Variants in ANK2 observed in about 807,000 individuals in gnomAD.
ANK2 encodes ankyrin 2, also known as ankyrin-2.
In ANK2, 83 loss-of-function variants were observed where a neutral mutation model predicts 360.5. That is an observed-to-expected ratio of 0.23 (90% CI 0.19 to 0.28). The LOEUF (loss-of-function observed/expected upper bound fraction) is 0.28, where lower values mean the gene tolerates loss of function less well. ANK2 is among the 10% of genes least tolerant of loss of function. The probability of loss-of-function intolerance (pLI) is 1.00; values close to 1 mark genes in which losing one functional copy is unlikely to be tolerated. For missense variants in ANK2, 4,201 were observed against 4,795.7 expected (o/e 0.88, Z 3.66); for synonymous variants, 1,740 against 1,759.5 (o/e 0.99, Z 0.28).
chr4:113,381,506 C>T lies in ANK2; in HGVS notation c.*35C>T, dbSNP rs1277373548. 3.1e-6 allele frequency: 5 copies of T among 1,613,930 alleles called. No individual in the cohort carries two copies. The highest frequency in any genetic ancestry group is 4.2e-6 in the Non-Finnish European group (5 of 1,179,996). ...ACAGAAGAGGGCTGTGGTGAAGGACCAGCATGGAAAACGCATTGACTTGGA... is the reference window on the plus strand; with the variant it reads ...ACAGAAGAGGGCTGTGGTGAAGGACTAGCATGGAAAACGCATTGACTTGGA... On this transcript the variant is annotated 3_prime_UTR_variant, in exon 46 of 46. Transcript: ENST00000357077.
chr4:112,967,278 A>G (rs2154263991), intron 2 of ANK2, among the ~76,000 whole-genome samples: 1 of 152,324 alleles, frequency 6.6e-6, no homozygotes. Context: ...CTGGGGCTGG[A>G]AGCCAAAAGT....
At position 113,358,084 on chromosome 4, in the gene ANK2, C is replaced by T; in HGVS notation, c.9466C>T (p.Pro3156Ser). 6.2e-7 allele frequency: 1 copy of T among 1,613,954 alleles called. No individual in the cohort carries two copies. The highest frequency in any genetic ancestry group is 2.2e-5 in the East Asian group (1 of 44,898). The change falls in exon 38 of 46, where the codon CCC (proline) becomes TCC (serine). Residue 3156 changes from proline (P) to serine (S), a missense_variant. Physicochemically the swap from Pro to Ser is moderately conservative, Grantham distance 74 (BLOSUM62 -1). Coordinates refer to ENST00000357077, the MANE Select transcript of ANK2 (RefSeq NM_001148.6). The stretch of plus-strand genomic sequence containing the variant: ...GAAAGAAGGGGCTACTGGGGCTGAT[C>T]CCCTACCGCTGGAGACATCAGCTGA... ...DVKEGATGAD[P>S]LPLETSAESL...
intron 2 of ANK2, among the ~76,000 whole-genome samples, chr4:113,041,714 T>C (rs1021944643): frequency 2.0e-5 from 3 of 152,122 alleles, no homozygotes; most frequent in Admixed American, 2.0e-4. Flanking sequence ...CAGAATACTA[T>C]AGACTGGGTG....
chr4:112,921,430 A>G (rs1382119402), intron 2 of ANK2, among the ~76,000 whole-genome samples: 2 of 140,946 alleles, frequency 1.4e-5, no homozygotes, highest in African/African-American at 5.3e-5. Context: ...TTCTAAAAGT[A>G]TAAATTATTT....
intron 2 of ANK2, among the ~76,000 whole-genome samples, chr4:113,021,557 T>C (rs879512260): frequency 0.011 from 1,040 of 96,876 alleles, 67 homozygotes; most frequent in African/African-American, 0.03. Context: ...TATATATATA[T>C]ATATATATAT....
chr4:113,348,147 T>G, intron 35 of ANK2, 129 bp from the exon 36 acceptor site: 2 of 871,260 alleles, frequency 2.3e-6, no homozygotes, highest in Non-Finnish European at 3.8e-6. Context: ...AAAAAGAGTA[T>G]GTTGACTGTA....
chr4:112,861,221 A>G (rs2067906497), intron 1 of ANK2, among the ~76,000 whole-genome samples: 1 of 152,208 alleles, frequency 6.6e-6, no homozygotes, highest in African/African-American at 2.4e-5. Flanking sequence ...ACAAAGACCT[A>G]ATTAGCTGGG....
intron 1 of ANK2, among the ~76,000 whole-genome samples, chr4:113,122,124 G>A (rs1429332740): frequency 6.6e-6 from 1 of 152,130 alleles, no homozygotes; most frequent in African/African-American, 2.4e-5. Flanking sequence ...TTGAAAGTGT[G>A]TTATAAGAAT....
chr4:113,255,296 T>A (rs563975365), intron 10 of ANK2, among the ~76,000 whole-genome samples: 3 of 152,218 alleles, frequency 2.0e-5, no homozygotes, highest in Non-Finnish European at 2.9e-5. Flanking sequence ...TTTCCATACC[T>A]CCCTGACCTG....
chr4:113,266,967 C>T (rs1429524897), intron 14 of ANK2, among the ~76,000 whole-genome samples: 2 of 151,906 alleles, frequency 1.3e-5, no homozygotes, highest in African/African-American at 4.8e-5. Flanking sequence ...GATCATATCT[C>T]ATTGTGGTTT....
intron 2 of ANK2, among the ~76,000 whole-genome samples, chr4:113,017,820 A>G (rs914904775): frequency 6.6e-6 from 1 of 152,214 alleles, no homozygotes; most frequent in Non-Finnish European, 1.5e-5. Context: ...AATGGGATTC[A>G]TACCAATTAC....
chr4:112,765,151 A>G, the ANK2 span, among the ~76,000 whole-genome samples: 1 of 152,374 alleles, frequency 6.6e-6, no homozygotes, highest in East Asian at 1.9e-4. Context: ...TATACCTCTC[A>G]AAAAACATGA....
At chr4:113,274,195 G>T (rs1467532763) in intron 14 of ANK2, among the ~76,000 whole-genome samples, 13 of 152,176 alleles carry the variant, frequency 8.5e-5, no homozygotes, top group Admixed American at 7.9e-4. Flanking sequence ...GCCTTAATGA[G>T]TTGAGAAATA....
At chr4:113,216,074 A>C (rs1393843817) in intron 4 of ANK2, among the ~76,000 whole-genome samples, 1 of 152,154 alleles carries the variant, frequency 6.6e-6, no homozygotes, top group Non-Finnish European at 1.5e-5. Flanking sequence ...TTCTTGTGGT[A>C]TTTCAAGTTT....
At position 113,237,524 on chromosome 4, in the gene ANK2, C is replaced by T. The variant is rs142596610; in HGVS notation, c.670-75C>T. 4.7e-5 allele frequency: 67 copies of T among 1,427,310 alleles called. No individual in the cohort carries two copies. The East Asian group carries it at 1.3e-3, about 28-fold the overall frequency. 88.4% of individuals were successfully genotyped at this position (1,427,310 alleles called of 1,614,324 possible). A position where few individuals can be genotyped will look rare whatever the true frequency, so the allele number is the denominator to read the frequency against. On this transcript the variant is annotated intron_variant, in intron 6 of 45. Coordinates refer to ENST00000357077, the MANE Select transcript of ANK2 (RefSeq NM_001148.6). Reference sequence around the variant, plus strand: ...GTTGGAACAGTATACCCAATTGCAGCGAGCAGATTGACTGTTTCCATAATT... The same window carrying T: ...GTTGGAACAGTATACCCAATTGCAGTGAGCAGATTGACTGTTTCCATAATT...
chr4:113,346,107 G>A, intron 35 of ANK2, 85 bp downstream of exon 35: 1 of 1,501,962 alleles, frequency 6.7e-7, no homozygotes, highest in Non-Finnish European at 9.2e-7. Context: ...AAAAGTAATG[G>A]CAAAAACAGC....
At chr4:113,321,700 T>C (rs983396078) in intron 26 of ANK2, among the ~76,000 whole-genome samples, 2 of 152,028 alleles carry the variant, frequency 1.3e-5, no homozygotes, top group African/African-American at 4.8e-5. Flanking sequence ...ATTAATTGGG[T>C]GGATTCTTAA....
At chr4:113,145,009 A>G (rs987348925) in intron 1 of ANK2, among the ~76,000 whole-genome samples, 10 of 152,024 alleles carry the variant, frequency 6.6e-5, no homozygotes, top group African/African-American at 2.4e-4. Flanking sequence ...ATGATTTCAA[A>G]GATTGGATGG....
chr4:113,065,377 T>C (rs2075198840), intron 1 of ANK2, among the ~76,000 whole-genome samples: 1 of 152,226 alleles, frequency 6.6e-6, no homozygotes. Context: ...GAGTGCTCTC[T>C]TTTGTGTGTG....
Sources: allele counts gnomAD v4.1 joint callset (sites outside exome capture counted in the v4.1 genomes callset), GRCh38; gene constraint gnomAD v4.1.1; transcripts MANE v1.5; gene names NCBI Gene and HGNC (gene_info 2026-07-23, HGNC 2026-07-21).